Variants in VSTM4 observed in about 807,000 individuals in gnomAD.
VSTM4 encodes V-set and transmembrane domain-containing protein 4.
A neutral mutation model predicts 36.4 loss-of-function variants in VSTM4; 20 were observed. The observed-to-expected ratio is 0.55, with a 90% CI of 0.39 to 0.80. The LOEUF is 0.80. Ranked by LOEUF, VSTM4 falls within the 30% of genes least tolerant of loss-of-function variation. VSTM4 has a pLI of 0.00. For missense variants in VSTM4, 392 were observed against 404.5 expected (o/e 0.97, Z 0.26); for synonymous variants, 182 against 173.9 (o/e 1.05, Z -0.37).
chr10:49,072,300 C>G (rs1844093319), intron 4 of VSTM4, among the ~76,000 whole-genome samples: 1 of 152,178 alleles, frequency 6.6e-6, no homozygotes, highest in African/African-American at 2.4e-5. Flanking sequence ...CAAACCCCTT[C>G]TAAACCTGCT....
In VSTM4 at chr10:49,016,815, G is replaced by A. The variant is rs1399761545; in HGVS notation, c.*2835C>T. 2 of 152,168 alleles carry A rather than the reference G, an allele frequency of 1.3e-5. No homozygotes were observed. Among genetic ancestry groups the A allele is most frequent in the Admixed American group, 6.5e-5 (1 of 15,276 alleles). 9.4% of individuals were successfully genotyped at this position (152,168 alleles called of 1,614,324 possible). A position where few individuals can be genotyped will look rare whatever the true frequency, so the allele number is the denominator to read the frequency against. On this transcript the variant is annotated 3_prime_UTR_variant, in exon 8 of 8. Coordinates refer to ENST00000332853, the MANE Select transcript of VSTM4 (RefSeq NM_001031746.5). ...CTACAGCTGCTTCAGGGCAGGCCTC[G>A]GGGCTTTGGCTTGGCAAGACAGTTT...
intron 4 of VSTM4, among the ~76,000 whole-genome samples, chr10:49,076,337 G>A (rs1844177744): frequency 6.6e-6 from 1 of 152,204 alleles, no homozygotes; most frequent in Admixed American, 6.5e-5. Context: ...TCCTCACTAT[G>A]AGCCTGAGAC....
At chr10:49,112,426 G>A (rs1056940636) in intron 1 of VSTM4, among the ~76,000 whole-genome samples, 5 of 152,254 alleles carry the variant, frequency 3.3e-5, no homozygotes, top group African/African-American at 1.2e-4. Context: ...ACAGAACCAG[G>A]CCGGAAACCT....
At chr10:49,105,463 C>A (rs1389019578) in intron 2 of VSTM4, among the ~76,000 whole-genome samples, 1 of 148,638 alleles carries the variant, frequency 6.7e-6, no homozygotes, top group South Asian at 2.2e-4. Flanking sequence ...AGAAAAGAGG[C>A]GGGGAGTGAA....
Position 49,049,070 on chromosome 10 carries a change from C to A in VSTM4, c.669-486G>T, listed in dbSNP as rs190887789. Among the ~76,000 whole-genome samples the A allele has an allele frequency of 4.6e-5, 7 of 152,324 alleles. No homozygotes were observed. The East Asian group carries it at 9.6e-4, about 21-fold the overall frequency. On this transcript the variant is annotated intron_variant, in intron 5 of 7. Coordinates refer to ENST00000332853, the MANE Select transcript of VSTM4 (RefSeq NM_001031746.5). ...TCCAAAGGCAAACATCTCCCCATCA[C>A]CTGGGAAAGGGTTCTGGGGAGCTGC...
intron 2 of VSTM4, among the ~76,000 whole-genome samples, chr10:49,090,901 C>CACA (rs1844461735): frequency 6.6e-6 from 1 of 152,058 alleles, no homozygotes; most frequent in South Asian, 2.1e-4. Flanking sequence ...CACTCCTCTA[C>CACA]CATCCGTCCT....
intron 3 of VSTM4, among the ~76,000 whole-genome samples, chr10:49,080,899 A>G (rs1844267229): frequency 6.6e-6 from 1 of 152,146 alleles, no homozygotes; most frequent in African/African-American, 2.4e-5. Flanking sequence ...AAAAATCAAA[A>G]CTGCCTTTCT....
chr10:49,032,972 A>T (rs1045450027), intron 7 of VSTM4, among the ~76,000 whole-genome samples: 1 of 152,042 alleles, frequency 6.6e-6, no homozygotes, highest in Non-Finnish European at 1.5e-5. Context: ...ATAAAATAGA[A>T]AAATACTTTA....
At chr10:49,111,623 G>C (rs758632798) in intron 1 of VSTM4, among the ~76,000 whole-genome samples, 1 of 152,172 alleles carries the variant, frequency 6.6e-6, no homozygotes, top group African/African-American at 2.4e-5. Flanking sequence ...CCTGTGTTGC[G>C]GAGAATTGAG....
At chr10:49,026,164 G>A (rs1843258253) in intron 7 of VSTM4, among the ~76,000 whole-genome samples, 1 of 152,202 alleles carries the variant, frequency 6.6e-6, no homozygotes, top group Non-Finnish European at 1.5e-5. Context: ...CAACATGAAT[G>A]AAAACCAAGG....
Position 49,019,507 on chromosome 10 carries a change from A to T in VSTM4, c.*143T>A. ...GGAGAGCAGGCTTGTACCTCTTCAA[A>T]GGCACCCAGAATGCTGCTGAAAAGG... On this transcript the variant is annotated 3_prime_UTR_variant, in exon 8 of 8. Coordinates refer to ENST00000332853, the MANE Select transcript of VSTM4 (RefSeq NM_001031746.5). The T allele has an allele frequency of 8.1e-7, 1 of 1,239,672 alleles. No individual in the cohort carries two copies. Among genetic ancestry groups the T allele is most frequent in the Non-Finnish European group, 1.1e-6 (1 of 936,488 alleles). 76.8% of individuals were successfully genotyped at this position (1,239,672 alleles called of 1,614,324 possible). A position where few individuals can be genotyped will look rare whatever the true frequency, so the allele number is the denominator to read the frequency against.
intron 5 of VSTM4, among the ~76,000 whole-genome samples, chr10:49,051,233 C>A (rs1843693005): frequency 6.6e-6 from 1 of 152,162 alleles, no homozygotes; most frequent in Admixed American, 6.5e-5. Context: ...TAACCCTTGG[C>A]AACCAGCGAT....
chr10:49,082,690 G>GAA (rs796460458), intron 3 of VSTM4, among the ~76,000 whole-genome samples: 1 of 150,272 alleles, frequency 6.7e-6, no homozygotes, highest in African/African-American at 2.4e-5. Flanking sequence ...AAAAGGAAAA[G>GAA]AAAAAAAAAC....
At position 49,016,688 on chromosome 10, in the gene VSTM4, A is replaced by G. The variant is rs191218884; in HGVS notation, c.*2962T>C. The G allele has an allele frequency of 8.0e-4, 122 of 152,374 alleles. No individual in the cohort carries two copies. The highest frequency in any genetic ancestry group is 2.8e-3 in the African/African-American group (115 of 41,578). 9.4% of individuals were successfully genotyped at this position (152,374 alleles called of 1,614,324 possible). Reference sequence around the variant, plus strand: ...GTTGTCTTCACTCTCACAAGAGTCAAGAGGTGGGAGGCCTGGCTTTTCCTT... The same window carrying G: ...GTTGTCTTCACTCTCACAAGAGTCAGGAGGTGGGAGGCCTGGCTTTTCCTT... On this transcript the variant is annotated 3_prime_UTR_variant, in exon 8 of 8. Coordinates refer to ENST00000332853, the MANE Select transcript of VSTM4 (RefSeq NM_001031746.5).
intron 7 of VSTM4, 88 bp from the exon 8 acceptor site, chr10:49,019,863 A>T: frequency 6.7e-7 from 1 of 1,490,692 alleles, no homozygotes; most frequent in South Asian, 1.4e-5. Context: ...ATGCATGTTC[A>T]TAGCATTTTG....
chr10:49,066,606 C>T (rs923557881), intron 4 of VSTM4, among the ~76,000 whole-genome samples: 1 of 151,866 alleles, frequency 6.6e-6, no homozygotes, highest in African/African-American at 2.4e-5. Flanking sequence ...AATTTTATCC[C>T]TAAAAAATTC....
At chr10:49,078,172 A>C (rs1844213592) in intron 3 of VSTM4, among the ~76,000 whole-genome samples, 1 of 152,238 alleles carries the variant, frequency 6.6e-6, no homozygotes, top group Non-Finnish European at 1.5e-5. Context: ...AAATGCTGGC[A>C]AGGATACAGA....
At chr10:49,083,236 G>T (rs1334840450) in intron 3 of VSTM4, among the ~76,000 whole-genome samples, 1 of 152,184 alleles carries the variant, frequency 6.6e-6, no homozygotes, top group Non-Finnish European at 1.5e-5. Flanking sequence ...ATCTTGCTCA[G>T]GGTGAAATAC....
chr10:49,110,606 T>C (rs1011172176), intron 1 of VSTM4, among the ~76,000 whole-genome samples: 2 of 152,012 alleles, frequency 1.3e-5, no homozygotes, highest in African/African-American at 2.4e-5. Flanking sequence ...TATTTGCAGA[T>C]AGGGTCTTTA....
Sources: allele counts gnomAD v4.1 joint callset (sites outside exome capture counted in the v4.1 genomes callset), GRCh38; gene constraint gnomAD v4.1.1; transcripts MANE v1.5; gene names NCBI Gene and HGNC (gene_info 2026-07-23, HGNC 2026-07-21).